Variants in TAOK3 observed in about 807,000 individuals in gnomAD.
TAOK3 encodes serine/threonine-protein kinase TAO3.
Under a neutral mutation model 120.4 loss-of-function variants are expected in TAOK3, and 40 were observed. That is an observed-to-expected ratio of 0.33 (90% CI 0.26 to 0.43). The LOEUF is 0.43. Among genes scored for constraint, TAOK3 ranks in the 20% least tolerant of loss-of-function variants. The probability of loss-of-function intolerance (pLI) is 1.00; values close to 1 mark genes in which losing one functional copy is unlikely to be tolerated. For missense variants in TAOK3, 821 were observed against 1,112.1 expected (o/e 0.74, Z 3.72); for synonymous variants, 355 against 387.5 (o/e 0.92, Z 0.99).
chr12:118,189,529 GACACAGACACAC>G (rs1279884328), intron 14 of TAOK3, among the ~76,000 whole-genome samples: 38 of 83,336 alleles, frequency 4.6e-4, no homozygotes, highest in Middle Eastern at 7.2e-3. Flanking sequence ...AACACACACA[GACACAGACACAC>G]ACACACACAC....
At chr12:118,294,639 C>A (rs2042607946) in intron 1 of TAOK3, among the ~76,000 whole-genome samples, 1 of 152,148 alleles carries the variant, frequency 6.6e-6, no homozygotes, top group African/African-American at 2.4e-5. Flanking sequence ...CTGCCTCGGC[C>A]TCCCAAAGTG....
intron 1 of TAOK3, among the ~76,000 whole-genome samples, chr12:118,319,248 A>T (rs1378408225): frequency 2.0e-5 from 3 of 152,228 alleles, no homozygotes; most frequent in Non-Finnish European, 4.4e-5. Context: ...ATATTTTAAA[A>T]GCAAAAAACC....
intron 2 of TAOK3, among the ~76,000 whole-genome samples, chr12:118,262,328 A>T (rs987399517): frequency 6.6e-6 from 1 of 151,932 alleles, no homozygotes; most frequent in Non-Finnish European, 1.5e-5. Context: ...TTAAAAGTAC[A>T]AATAATTAGC....
intron 19 of TAOK3, among the ~76,000 whole-genome samples, chr12:118,157,946 A>C (rs1474269530): frequency 6.6e-6 from 1 of 152,296 alleles, no homozygotes; most frequent in Middle Eastern, 3.4e-3. Flanking sequence ...TGGGAAAAGC[A>C]GTCTCACTTA....
At position 118,372,679 on chromosome 12, in the gene TAOK3, GCGC is replaced by G; in HGVS notation, c.-228_-226del. ...CCTGCTGTCACCACCCCCGGGCCCG[GCGC>G]CGCCGCCGCCGCTTCCTCTCCCACA... is the stretch of plus-strand genomic sequence containing the variant. On this transcript the variant is annotated 5_prime_UTR_variant, in exon 1 of 21. Transcript: ENST00000392533. The surrounding 1 kb of genome is among the most constrained non-coding windows in gnomAD (Gnocchi z 4.6). 5.7e-5 allele frequency: 9 copies of G among 158,280 alleles called. No homozygotes were observed. Among genetic ancestry groups the G allele is most frequent in the East Asian group, 1.9e-4 (1 of 5,286 alleles). 9.8% of individuals were successfully genotyped at this position (158,280 alleles called of 1,614,324 possible).
At chr12:118,273,643 G>A (rs1177912196) in intron 1 of TAOK3, among the ~76,000 whole-genome samples, 1 of 151,954 alleles carries the variant, frequency 6.6e-6, no homozygotes, top group Non-Finnish European at 1.5e-5. Flanking sequence ...GGTAAAACCC[G>A]TCTCTACTGA....
Position 118,150,005 on chromosome 12 carries a change from C to T in TAOK3, c.*992G>A, listed in dbSNP as rs1339467497. On this transcript the variant is annotated 3_prime_UTR_variant, in exon 21 of 21. Transcript: ENST00000392533. Reference sequence around the variant, plus strand: ...CAATATTTATGACCAAGAAATGGGACTTAGGAAGGGGAAGGGAGATAAAGA... The same window carrying T: ...CAATATTTATGACCAAGAAATGGGATTTAGGAAGGGGAAGGGAGATAAAGA... 1 of 149,604 alleles carries T rather than the reference C, an allele frequency of 6.7e-6. No homozygotes were observed. Among genetic ancestry groups the T allele is most frequent in the Admixed American group, 6.7e-5 (1 of 14,940 alleles). 9.3% of individuals were successfully genotyped at this position (149,604 alleles called of 1,614,324 possible). A position where few individuals can be genotyped will look rare whatever the true frequency, so the allele number is the denominator to read the frequency against.
At chr12:118,301,633 C>A (rs1006999114) in intron 1 of TAOK3, among the ~76,000 whole-genome samples, 11 of 152,042 alleles carry the variant, frequency 7.2e-5, no homozygotes, top group Non-Finnish European at 1.0e-4. Flanking sequence ...ATCACGAGGT[C>A]AGGAGTTCAA....
intron 1 of TAOK3, among the ~76,000 whole-genome samples, chr12:118,356,027 T>C (rs2045376022): frequency 6.6e-6 from 1 of 152,106 alleles, no homozygotes. Context: ...AAGTAAGAAA[T>C]ACCAGAAACC....
At chr12:118,188,991 T>C (rs1168017677) in intron 14 of TAOK3, among the ~76,000 whole-genome samples, 1 of 152,088 alleles carries the variant, frequency 6.6e-6, no homozygotes, top group African/African-American at 2.4e-5. Flanking sequence ...GGAGGAGGCA[T>C]GAAAACTAAC....
intron 1 of TAOK3, among the ~76,000 whole-genome samples, chr12:118,363,751 TGTGTGAGA>T (rs1281892967): frequency 2.0e-5 from 3 of 148,290 alleles, no homozygotes; most frequent in Non-Finnish European, 4.5e-5. Flanking sequence ...TGTGTGTGTG[TGTGTGAGA>T]GAGAGAGAGA....
chr12:118,192,968 T>C (rs2037508900), intron 13 of TAOK3, among the ~76,000 whole-genome samples: 1 of 150,936 alleles, frequency 6.6e-6, no homozygotes, highest in Non-Finnish European at 1.5e-5. Context: ...AACATTATCA[T>C]CCAGGAAAAA....
At chr12:118,349,712 A>G (rs2045051078) in intron 1 of TAOK3, among the ~76,000 whole-genome samples, 1 of 152,250 alleles carries the variant, frequency 6.6e-6, no homozygotes, top group Admixed American at 6.5e-5. Context: ...AAATATACTA[A>G]AAACCTGAAT....
intron 1 of TAOK3, among the ~76,000 whole-genome samples, chr12:118,365,875 G>A (rs1010657607): frequency 6.6e-6 from 1 of 152,140 alleles, no homozygotes; most frequent in Non-Finnish European, 1.5e-5. Context: ...TCTTGACCTA[G>A]GTCATTTAAA....
At chr12:118,200,228 T>TAA (rs2037953106) in intron 12 of TAOK3, 2 of 152,190 alleles carry the variant, frequency 1.3e-5, no homozygotes, top group Non-Finnish European at 2.9e-5. Context: ...AAATTATTGA[T>TAA]AAAATACTTT....
chr12:118,245,667 A>G (rs2040461033), intron 3 of TAOK3, among the ~76,000 whole-genome samples: 2 of 152,160 alleles, frequency 1.3e-5, no homozygotes, highest in Admixed American at 1.3e-4. Context: ...CACAGTTCAA[A>G]GATGCTTCAC....
chr12:118,185,025 T>C (rs2138975247), intron 14 of TAOK3, among the ~76,000 whole-genome samples: 1 of 151,962 alleles, frequency 6.6e-6, no homozygotes, highest in South Asian at 2.1e-4. Context: ...GCGAAGCATG[T>C]CCCTTGGCCC....
chr12:118,285,690 T>C (rs535543164), intron 1 of TAOK3, among the ~76,000 whole-genome samples: 2 of 152,342 alleles, frequency 1.3e-5, no homozygotes, highest in East Asian at 3.9e-4. Context: ...AAATATTCTC[T>C]TGTGAACCCA....
chr12:118,233,838 A>C, intron 8 of TAOK3, 73 bp from the exon 9 acceptor site: 1 of 939,488 alleles, frequency 1.1e-6, no homozygotes, highest in East Asian at 2.5e-5. Flanking sequence ...GATTCAATGA[A>C]ATAGCTGTTC....
Sources: gnomAD v4.1 joint callset for allele counts (sites outside exome capture counted in the v4.1 genomes callset) on GRCh38, gnomAD v4.1.1 for gene constraint, Gnocchi (gnomAD v3.1) non-coding constraint, MANE v1.5 for transcripts, NCBI Gene and HGNC (gene_info 2026-07-23, HGNC 2026-07-21) for gene names.